Variants in GPC5 observed in about 807,000 individuals in gnomAD.
GPC5 encodes the protein glypican 5.
In GPC5, 47 loss-of-function variants were observed where a neutral mutation model predicts 53.9. That is an observed-to-expected ratio of 0.87 (90% CI 0.69 to 1.11). The LOEUF (loss-of-function observed/expected upper bound fraction) is 1.11, where lower values mean the gene tolerates loss of function less well. GPC5 is among the 50% of genes most tolerant of loss of function. The probability of loss-of-function intolerance (pLI) is 0.00; values close to 1 mark genes in which losing one functional copy is unlikely to be tolerated. For missense variants in GPC5, 748 were observed against 713.1 expected, an observed-to-expected ratio of 1.05 and a Z score of -0.56; for synonymous variants, 286 against 263.3, an observed-to-expected ratio of 1.09 and a Z score of -0.84.
At chr13:92,196,810 C>A (rs200887812) in intron 7 of GPC5, among the ~76,000 whole-genome samples, 1 of 151,866 alleles carries the variant, frequency 6.6e-6, no homozygotes, top group African/African-American at 2.4e-5. Context: ...TAAACAGGCG[C>A]AGACAGAAGC....
At chr13:92,814,174 A>G (rs1270006147) in intron 7 of GPC5, among the ~76,000 whole-genome samples, 7 of 152,000 alleles carry the variant, frequency 4.6e-5, no homozygotes, top group Non-Finnish European at 8.8e-5. Context: ...GTATAGATAT[A>G]AACTTTAATC....
chr13:92,674,947 A>G (rs949431123), intron 7 of GPC5, among the ~76,000 whole-genome samples: 2 of 152,174 alleles, frequency 1.3e-5, no homozygotes, highest in African/African-American at 4.8e-5. Flanking sequence ...ATTTGTTTAG[A>G]AGAAAAACAA....
chr13:91,417,205 T>G (rs1368163214), intron 1 of GPC5, among the ~76,000 whole-genome samples: 5 of 152,154 alleles, frequency 3.3e-5, no homozygotes, highest in African/African-American at 1.2e-4. Context: ...ACACTGGGCA[T>G]GTCAATATTG....
intron 7 of GPC5, among the ~76,000 whole-genome samples, chr13:92,523,063 G>A (rs9516088): frequency 0.57 from 86,177 of 151,854 alleles, 25,196 homozygotes; most frequent in East Asian, 0.75. Flanking sequence ...CAGAAAATGC[G>A]GAAAAGTGAT....
At chr13:91,935,742 G>T (rs2139037892) in intron 6 of GPC5, among the ~76,000 whole-genome samples, 1 of 152,114 alleles carries the variant, frequency 6.6e-6, no homozygotes, top group African/African-American at 2.4e-5. Flanking sequence ...TTTACCTTTA[G>T]ATGTTAAATT....
At chr13:92,304,957 C>G (rs114918449) in intron 7 of GPC5, among the ~76,000 whole-genome samples, 1 of 152,086 alleles carries the variant, frequency 6.6e-6, no homozygotes, top group African/African-American at 2.4e-5. Flanking sequence ...CAGCCCTAAC[C>G]ATTAGAGTAA....
intron 7 of GPC5, among the ~76,000 whole-genome samples, chr13:92,796,157 A>G (rs909707634): frequency 1.3e-5 from 2 of 152,186 alleles, no homozygotes; most frequent in African/African-American, 4.8e-5. Context: ...TGTGGCACAT[A>G]TATACCATGG....
At chr13:92,066,369 A>G (rs1412336564) in intron 6 of GPC5, among the ~76,000 whole-genome samples, 1 of 151,684 alleles carries the variant, frequency 6.6e-6, no homozygotes, top group Non-Finnish European at 1.5e-5. Flanking sequence ...AAATGGGGAT[A>G]TTAGGAAAGG....
intron 7 of GPC5, among the ~76,000 whole-genome samples, chr13:92,834,425 T>A (rs1321880165): frequency 6.6e-6 from 1 of 152,092 alleles, no homozygotes; most frequent in African/African-American, 2.4e-5. Flanking sequence ...TAACTCTGAC[T>A]TCCAAACTCA....
At chr13:91,492,887 C>A (rs1329884656) in intron 2 of GPC5, among the ~76,000 whole-genome samples, 10 of 152,198 alleles carry the variant, frequency 6.6e-5, no homozygotes, top group Admixed American at 6.5e-4. Flanking sequence ...ATAACCAAAA[C>A]AACTCCAAAA....
At chr13:91,516,783 C>T (rs1350285266) in intron 2 of GPC5, among the ~76,000 whole-genome samples, 1 of 152,198 alleles carries the variant, frequency 6.6e-6, no homozygotes, top group African/African-American at 2.4e-5. Context: ...GGCAGCCAGG[C>T]AGTTCCATAC....
At position 92,236,875 on chromosome 13, in the gene GPC5, A is replaced by G. The variant is rs956790998; in HGVS notation, c.1561+91886A>G. 1.6e-3 allele frequency among the ~76,000 whole-genome samples: 245 copies of G among 152,146 alleles called. 1 individual carries two copies. Among genetic ancestry groups the G allele is most frequent in the African/African-American group, 5.6e-3 (234 of 41,528 alleles). ...TTTTTTTGTTTTGATTACCTCTGCAATCATTGTCTTTGCCTCCATTCTTTC... is the reference window on the plus strand; with the variant it reads ...TTTTTTTGTTTTGATTACCTCTGCAGTCATTGTCTTTGCCTCCATTCTTTC... On this transcript the variant is annotated intron_variant, in intron 7 of 7. Transcript: ENST00000377067.
intron 6 of GPC5, among the ~76,000 whole-genome samples, chr13:92,002,098 C>G (rs1046815290): frequency 6.6e-6 from 1 of 151,854 alleles, no homozygotes; most frequent in South Asian, 2.1e-4. Flanking sequence ...TTGTTTACCC[C>G]TCTCTCTGTA....
At chr13:91,895,721 G>A (rs1227846855) in intron 5 of GPC5, among the ~76,000 whole-genome samples, 1 of 151,190 alleles carries the variant, frequency 6.6e-6, no homozygotes, top group Non-Finnish European at 1.5e-5. Flanking sequence ...AAGTAACCTA[G>A]AAAGGATGCT....
chr13:91,404,703 G>A (rs1294939538), intron 1 of GPC5, among the ~76,000 whole-genome samples: 2 of 152,162 alleles, frequency 1.3e-5, no homozygotes, highest in Non-Finnish European at 2.9e-5. Context: ...AATGTGCAGT[G>A]TACCTTTATA....
chr13:91,976,702 C>G (rs78581744), intron 6 of GPC5, among the ~76,000 whole-genome samples: 6,315 of 152,112 alleles, frequency 0.042, 164 homozygotes, highest in Middle Eastern at 0.065. Context: ...GATGGTTTTC[C>G]TGAGGAAGAA....
intron 2 of GPC5, among the ~76,000 whole-genome samples, chr13:91,587,709 T>C (rs1040968336): frequency 6.6e-6 from 1 of 152,180 alleles, no homozygotes; most frequent in Non-Finnish European, 1.5e-5. Flanking sequence ...TTAGCTGTTT[T>C]ACGAATTCTC....
At position 92,419,983 on chromosome 13, in the gene GPC5, T is replaced by G. The variant is rs1046184504; in HGVS notation, c.1561+274994T>G. Reference sequence around the variant, plus strand: ...AAAACTCCAGCCATTGTATAGTTATTCTTTTTGACCTCTCCACCTAGTTCT... The same window carrying G: ...AAAACTCCAGCCATTGTATAGTTATGCTTTTTGACCTCTCCACCTAGTTCT... On this transcript the variant is annotated intron_variant, in intron 7 of 7. Coordinates refer to ENST00000377067, the MANE Select transcript of GPC5 (RefSeq NM_004466.6). Among the ~76,000 whole-genome samples the G allele has an allele frequency of 5.3e-5, 8 of 152,166 alleles. 1 individual carries two copies. The highest frequency in any genetic ancestry group is 1.9e-4 in the African/African-American group (8 of 41,444).
At chr13:92,503,537 G>A (rs927485778) in intron 7 of GPC5, among the ~76,000 whole-genome samples, 7 of 151,200 alleles carry the variant, frequency 4.6e-5, no homozygotes, top group Non-Finnish European at 4.4e-5. Context: ...AAGAGAATAA[G>A]AAAGTGAAAA....
Sources: gnomAD v4.1 joint callset for allele counts (sites outside exome capture counted in the v4.1 genomes callset) on GRCh38, gnomAD v4.1.1 for gene constraint, MANE v1.5 for transcripts, NCBI Gene and HGNC (gene_info 2026-07-23, HGNC 2026-07-21) for gene names.